Variants in LSM10 observed in about 807,000 individuals in gnomAD.
The protein encoded by LSM10 is U7 snRNA-associated Sm-like protein LSm10.
LSM10 carries 4 observed loss-of-function variants against 5.2 expected under a neutral mutation model. That is an observed-to-expected ratio of 0.77 (90% CI 0.38 to 1.77). The LOEUF (loss-of-function observed/expected upper bound fraction) is 1.77, where lower values mean the gene tolerates loss of function less well. Among genes scored for constraint, LSM10 ranks in the 40% most tolerant of loss-of-function variants. The pLI is 0.04. For synonymous variants in LSM10, 63 were observed against 67.4 expected, an observed-to-expected ratio of 0.94 and a Z score of 0.32; for missense variants, 150 against 171.6, an observed-to-expected ratio of 0.87 and a Z score of 0.70.
chr1:36,395,348 C>CT (rs1401731756), intron 1 of LSM10, among the ~76,000 whole-genome samples: 1 of 152,036 alleles, frequency 6.6e-6, no homozygotes, highest in African/African-American at 2.4e-5. Context: ...ATTATTAGGA[C>CT]TAACAACAAA....
chr1:36,393,891 C>G lies in LSM10; in HGVS notation c.239G>C (p.Arg80Pro). The change falls in exon 2 of 2, where the codon CGC (arginine) becomes CCC (proline). Residue 80 changes from arginine to proline, a missense_variant. By Grantham distance (103) the Arg-to-Pro change is moderately radical. Coordinates refer to ENST00000315732, the MANE Select transcript of LSM10 (RefSeq NM_032881.3). ...CACGTCATCTGGGATGTGGACGTAG[C>G]GGACATTGCGGCCTGTCACAAAGAG... ...DDLFVTGRNV[R>P]YVHIPDDVNI... 1 of 1,614,248 alleles carries G rather than the reference C, an allele frequency of 6.2e-7. No individual in the cohort carries two copies.
Position 36,393,687 on chromosome 1 carries a change from T to G in LSM10, c.*71A>C. ...CTTTCTTCTCGGGTACCAGACAGGG[T>G]GTGAGGGCAGGGAACTAGCTCCGGA... On this transcript the variant is annotated 3_prime_UTR_variant, in exon 2 of 2. Coordinates refer to ENST00000315732, the MANE Select transcript of LSM10 (RefSeq NM_032881.3). 6.4e-7 allele frequency: 1 copy of G among 1,570,836 alleles called. No individual in the cohort carries two copies. The highest frequency in any genetic ancestry group is 8.7e-7 in the Non-Finnish European group (1 of 1,154,916).
In LSM10 at chr1:36,393,503, A is replaced by AT. The variant is rs1301199329; in HGVS notation, c.*254dup. On this transcript the variant is annotated 3_prime_UTR_variant, in exon 2 of 2. Coordinates refer to ENST00000315732, the MANE Select transcript of LSM10 (RefSeq NM_032881.3). ...AACTACTTGACAGGTTCCATAATCA[A>AT]TAAGTCAGAGATTCAGATCATCAAA... is the stretch of plus-strand genomic sequence containing the variant. The AT allele has an allele frequency of 1.8e-6, 1 of 546,050 alleles. No individual in the cohort carries two copies. The highest frequency in any genetic ancestry group is 3.1e-5 in the East Asian group (1 of 32,440). 33.8% of individuals were successfully genotyped at this position (546,050 alleles called of 1,614,324 possible).
rs778579153 is a variant in LSM10, at chr1:36,393,897, T to C, written c.233A>G (p.Asn78Ser). 3 of 1,614,232 alleles carry C rather than the reference T, an allele frequency of 1.9e-6. No homozygotes were observed. Among genetic ancestry groups the C allele is most frequent in the Admixed American group, 1.7e-5 (1 of 60,018 alleles). Residue 78 changes from asparagine (N) to serine (S), a missense_variant, in exon 2 of 2, where the codon AAT (asparagine) becomes AGT (serine). Transcript: ENST00000315732. ...KLDDLFVTGR[N>S]VRYVHIPDDV... ...ATCTGGGATGTGGACGTAGCGGACA[T>C]TGCGGCCTGTCACAAAGAGGTCATC...
chr1:36,394,391 G>A (rs1434081541), intron 1 of LSM10, among the ~76,000 whole-genome samples: 3 of 152,270 alleles, frequency 2.0e-5, no homozygotes, highest in Admixed American at 6.5e-5. Flanking sequence ...GGCCAGGCGC[G>A]GTGGGATACA....
Position 36,393,912 on chromosome 1 carries a change from A to G in LSM10, c.218T>C (p.Phe73Ser), listed in dbSNP as rs771629167. 6 of 1,614,246 alleles carry G rather than the reference A, an allele frequency of 3.7e-6. No individual in the cohort carries two copies. Among genetic ancestry groups the G allele is most frequent in the Non-Finnish European group, 5.1e-6 (6 of 1,180,048 alleles). The change falls in exon 2 of 2, where the codon TTT becomes TCT. Residue 73 changes from phenylalanine (F) to serine (S), a missense_variant. Coordinates refer to ENST00000315732, the MANE Select transcript of LSM10 (RefSeq NM_032881.3). ...GTAGCGGACATTGCGGCCTGTCACA[A>G]AGAGGTCATCCAGCTTGACCTGATG... ...WGHQVKLDDLFVTGRNVRYVH... is the reference protein window; with the variant it reads ...WGHQVKLDDLSVTGRNVRYVH...
Position 36,393,535 on chromosome 1 carries a change from G to T in LSM10, c.*223C>A. On this transcript the variant is annotated 3_prime_UTR_variant, in exon 2 of 2. Coordinates refer to ENST00000315732, the MANE Select transcript of LSM10 (RefSeq NM_032881.3). ...AGAGATTCAGATCATCAAAAAGGGG[G>T]ATTGTCACCTACCCCAAGGCCACAT... 3.4e-6 allele frequency: 2 copies of T among 593,026 alleles called. No homozygotes were observed. Among genetic ancestry groups the T allele is most frequent in the Non-Finnish European group, 6.0e-6 (2 of 334,850 alleles). 36.7% of individuals were successfully genotyped at this position (593,026 alleles called of 1,614,324 possible).
chr1:36,394,395 G>T (rs911105567), intron 1 of LSM10, among the ~76,000 whole-genome samples: 2 of 152,174 alleles, frequency 1.3e-5, no homozygotes, highest in African/African-American at 4.8e-5. Context: ...AGGCGCGGTG[G>T]GATACACCTG....
At chr1:36,394,225 G>A in intron 1 of LSM10, 72 bp from the exon 2 acceptor site, 8 of 1,435,034 alleles carry the variant, frequency 5.6e-6, no homozygotes, top group Non-Finnish European at 7.4e-6. Flanking sequence ...CCTCCACCAG[G>A]TTCTCAAACA....
In LSM10 at chr1:36,393,921, TC is replaced by T; in HGVS notation, c.208del (p.Asp70MetfsTer5). On this transcript the variant is annotated frameshift_variant, in exon 2 of 2. Coordinates refer to ENST00000315732, the MANE Select transcript of LSM10 (RefSeq NM_032881.3). LOFTEE classifies it high-confidence loss of function. ...TDRWGHQVKL[D>X]DLFVTGRNVR... ...ATTGCGGCCTGTCACAAAGAGGTCA[TC>T]CAGCTTGACCTGATGCCCCCAACGG... The T allele has an allele frequency of 6.2e-7, 1 of 1,614,266 alleles. No individual in the cohort carries two copies. The highest frequency in any genetic ancestry group is 8.5e-7 in the Non-Finnish European group (1 of 1,180,048).
Position 36,394,729 on chromosome 1 carries a change from T to C in LSM10, c.-24-576A>G, listed in dbSNP as rs1397298633. ...GGGAGGCTGAGGCAGGAGAATAGCGTGAACCTAAGAGGCGGAGCTTGCAGT... is the reference window on the plus strand; with the variant it reads ...GGGAGGCTGAGGCAGGAGAATAGCGCGAACCTAAGAGGCGGAGCTTGCAGT... On this transcript the variant is annotated intron_variant, in intron 1 of 1. Transcript: ENST00000315732. Among the ~76,000 whole-genome samples the C allele has an allele frequency of 3.3e-5, 5 of 150,720 alleles. No homozygotes were observed. The Admixed American group carries it at 3.3e-4, about 10-fold the overall frequency.
chr1:36,393,732 G>A lies in LSM10; in HGVS notation c.*26C>T. On this transcript the variant is annotated 3_prime_UTR_variant, in exon 2 of 2. Coordinates refer to ENST00000315732, the MANE Select transcript of LSM10 (RefSeq NM_032881.3). ...TCCGGAGATCACTGGAGGACTCCGA[G>A]TTGGGGCCAGGGCTTGCTGAGGGCC... 1.9e-6 allele frequency: 3 copies of A among 1,610,140 alleles called. No homozygotes were observed. Among genetic ancestry groups the A allele is most frequent in the Non-Finnish European group, 1.7e-6 (2 of 1,177,752 alleles).
In LSM10 at chr1:36,397,796, T is replaced by G. The variant is rs1366035032; in HGVS notation, c.-54A>C. 1 of 152,156 alleles carries G rather than the reference T, an allele frequency of 6.6e-6. No homozygotes were observed. The highest frequency in any genetic ancestry group is 1.5e-5 in the Non-Finnish European group (1 of 68,032). 9.4% of individuals were successfully genotyped at this position (152,156 alleles called of 1,614,324 possible). ...CGACATTCCTTCCGCTTTCCCCGTC[T>G]GGGTCGCCGCCGAAGCTAGCGGGCG... On this transcript the variant is annotated 5_prime_UTR_variant, in exon 1 of 2. Coordinates refer to ENST00000315732, the MANE Select transcript of LSM10 (RefSeq NM_032881.3).
rs943465242 is a variant in LSM10 at position 36,394,051 on chromosome 1, G to A, written c.79C>T (p.Arg27Trp). 3 of 1,614,162 alleles carry A rather than the reference G, an allele frequency of 1.9e-6. No homozygotes were observed. Among genetic ancestry groups the A allele is most frequent in the South Asian group, 2.2e-5 (2 of 91,088 alleles). ...TCCCGCAGGTCCACAGTGGTTACCC[G>A]GCCCTGGAGGCCCTGCAGTAGGATG... ...LIILLQGLQG[R>W]VTTVDLRDES... The change falls in exon 2 of 2, where the codon CGG becomes TGG. Residue 27 changes from arginine to tryptophan, a missense_variant. Physicochemically the swap from Arg to Trp is moderately radical, Grantham distance 101 (BLOSUM62 -3). Transcript: ENST00000315732.
intron 1 of LSM10, among the ~76,000 whole-genome samples, chr1:36,394,372 G>C (rs780876829): frequency 6.6e-6 from 1 of 152,152 alleles, no homozygotes; most frequent in Admixed American, 6.5e-5. Context: ...AGAAAAATAT[G>C]GCTAGGATGG....
In LSM10 at chr1:36,393,843, T is replaced by C; in HGVS notation, c.287A>G (p.Gln96Arg). ...CACCCGATGGATAATCTGCAGCTGC[T>C]GCTCAATGGTCGAGGTGATGTTCAC... Reference protein sequence around the residue: ...DDVNITSTIEQQLQIIHRVRN... With the variant: ...DDVNITSTIERQLQIIHRVRN... The change falls in exon 2 of 2, where the codon CAG becomes CGG. Residue 96 changes from glutamine to arginine, a missense_variant. Physicochemically the swap from Gln to Arg is conservative, Grantham distance 43. Coordinates refer to ENST00000315732, the MANE Select transcript of LSM10 (RefSeq NM_032881.3). 1.2e-6 allele frequency: 2 copies of C among 1,614,220 alleles called. No individual in the cohort carries two copies. The highest frequency in any genetic ancestry group is 8.5e-7 in the Non-Finnish European group (1 of 1,180,038).
In LSM10 at chr1:36,393,782, T is replaced by G; in HGVS notation, c.348A>C (p.Glu116Asp). 1 of 1,614,058 alleles carries G rather than the reference T, an allele frequency of 6.2e-7. No homozygotes were observed. Among genetic ancestry groups the G allele is most frequent in the Non-Finnish European group, 8.5e-7 (1 of 1,179,962 alleles). The change falls in exon 2 of 2, where the codon GAA (glutamate) becomes GAC (aspartate). Residue 116 changes from glutamate (E) to aspartate (D), a missense_variant. Coordinates refer to ENST00000315732, the MANE Select transcript of LSM10 (RefSeq NM_032881.3). ...CTCACTTACAGTTTTTTGGGGGAAA[T>G]TCCCACCGGCCTTGGCCCTTGCCAC... ...NFGGKGQGRW[E>D]FPPKNCK
Position 36,393,889 on chromosome 1 carries a change from A to G in LSM10, c.241T>C (p.Tyr81His). 6.2e-7 allele frequency: 1 copy of G among 1,614,250 alleles called. No individual in the cohort carries two copies. The highest frequency in any genetic ancestry group is 8.5e-7 in the Non-Finnish European group (1 of 1,180,040). Residue 81 changes from tyrosine to histidine, a missense_variant, in exon 2 of 2, where the codon TAC (tyrosine) becomes CAC (histidine). Coordinates refer to ENST00000315732, the MANE Select transcript of LSM10 (RefSeq NM_032881.3). ...TTCACGTCATCTGGGATGTGGACGT[A>G]GCGGACATTGCGGCCTGTCACAAAG... is the stretch of plus-strand genomic sequence containing the variant. ...DLFVTGRNVRYVHIPDDVNIT... is the reference protein window; with the variant it reads ...DLFVTGRNVRHVHIPDDVNIT...
In LSM10 at chr1:36,394,132, T is replaced by C; in HGVS notation, c.-3A>G. 3 of 1,605,858 alleles carry C rather than the reference T, an allele frequency of 1.9e-6. No homozygotes were observed. Among genetic ancestry groups the C allele is most frequent in the Non-Finnish European group, 2.6e-6 (3 of 1,175,724 alleles). The stretch of plus-strand genomic sequence containing the variant: ...TTCACTGAATGGCTCACCGCCATTC[T>C]TCCACACCAGCTGCCTGCTTGCTGT... On this transcript the variant is annotated 5_prime_UTR_variant, in exon 2 of 2. Transcript: ENST00000315732.
Sources: allele counts gnomAD v4.1 joint callset (sites outside exome capture counted in the v4.1 genomes callset), GRCh38; gene constraint gnomAD v4.1.1; transcripts MANE v1.5; gene names NCBI Gene and HGNC (gene_info 2026-07-23, HGNC 2026-07-21).